ABL2: variants seen among roughly 807,000 people sequenced by gnomAD.
ABL2 encodes the protein ABL proto-oncogene 2, non-receptor tyrosine kinase, also known as tyrosine-protein kinase ABL2.
A neutral mutation model predicts 107.7 loss-of-function variants in ABL2; 49 were observed. The ratio of observed to expected loss-of-function variants is 0.45; its 90% confidence interval spans 0.36 to 0.58. ABL2 has a LOEUF of 0.58. Ranked by LOEUF, ABL2 falls within the 20% of genes least tolerant of loss-of-function variation. The pLI, the probability that ABL2 is intolerant of heterozygous loss-of-function variation, is 0.00. For synonymous variants in ABL2, 549 were observed against 548.6 expected, an observed-to-expected ratio of 1.00 and a Z score of -0.01; for missense variants, 1,245 against 1,457.0, an observed-to-expected ratio of 0.85 and a Z score of 2.37.
intron 1 of ABL2, among the ~76,000 whole-genome samples, chr1:179,211,988 A>G (rs1351544211): frequency 1.3e-5 from 2 of 152,116 alleles, no homozygotes; most frequent in African/African-American, 2.4e-5. Context: ...AATACCAGAG[A>G]CTGCATAATT....
intron 1 of ABL2, among the ~76,000 whole-genome samples, chr1:179,151,323 T>C (rs1173411985): frequency 6.6e-6 from 1 of 152,220 alleles, no homozygotes; most frequent in Non-Finnish European, 1.5e-5. Flanking sequence ...AAGGTATAGT[T>C]TAAGTTCCTA....
chr1:179,179,182 TTA>T (rs1660222953), intron 1 of ABL2, among the ~76,000 whole-genome samples: 1 of 152,176 alleles, frequency 6.6e-6, no homozygotes, highest in Non-Finnish European at 1.5e-5. Flanking sequence ...TGTTGTCCAA[TTA>T]TTTAAAGTGC....
chr1:179,205,661 G>A (rs1374816102), intron 1 of ABL2, among the ~76,000 whole-genome samples: 1 of 152,178 alleles, frequency 6.6e-6, no homozygotes, highest in East Asian at 1.9e-4. Context: ...ATCCATATGG[G>A]ACATGTATTA....
intron 1 of ABL2, among the ~76,000 whole-genome samples, chr1:179,212,582 A>G (rs1480989142): frequency 1.3e-5 from 2 of 151,600 alleles, no homozygotes; most frequent in African/African-American, 2.4e-5. Flanking sequence ...CAAATAACAA[A>G]ATTAGCCAGG....
Position 179,174,913 on chromosome 1 carries a change from AT to A in ABL2, c.158-41540del, listed in dbSNP as rs67902745. Among the ~76,000 whole-genome samples the A allele has an allele frequency of 6.6e-3, 709 of 106,748 alleles. 5 individuals are homozygous for A. The highest frequency in any genetic ancestry group is 9.5e-3 in the South Asian group (32 of 3,386). The allele number at this position is 106,748 out of a possible 152,430, so 70.0% of individuals were successfully genotyped here. On this transcript the variant is annotated intron_variant, in intron 1 of 11. Coordinates refer to ENST00000502732, the MANE Select transcript of ABL2 (RefSeq NM_007314.4). ...TCTGTCTCAAAAAAAAAAAAATAAA[AT>A]AAAAAAAATAATAATAATAATAATA...
intron 7 of ABL2, 71 bp downstream of exon 7, chr1:179,118,516 T>G: frequency 6.7e-7 from 1 of 1,489,686 alleles, no homozygotes; most frequent in Non-Finnish European, 9.2e-7. Flanking sequence ...GGGAAGGTTC[T>G]CACATTCTTC....
chr1:179,184,365 G>C (rs1209384472), intron 1 of ABL2: 8 of 690,362 alleles, frequency 1.2e-5, no homozygotes, highest in Middle Eastern at 4.2e-4. Flanking sequence ...AGCTGGAAAG[G>C]ATGCGATGAA....
In ABL2 at chr1:179,121,144, T is replaced by C. The variant is rs544819770; in HGVS notation, c.960+451A>G. Among the ~76,000 whole-genome samples the C allele has an allele frequency of 2.6e-5, 4 of 152,206 alleles. No individual in the cohort carries two copies. The East Asian group carries it at 5.8e-4, about 22-fold the overall frequency. ...TGGGATGTTTAAAGGAGACATATAG[T>C]AGTACTACGAAAAAGATTTCTGTTA... On this transcript the variant is annotated intron_variant, in intron 5 of 11. Transcript: ENST00000502732.
rs140949687 is a variant in ABL2, at chr1:179,118,410, T to G, written c.1223+177A>C. On this transcript the variant is annotated intron_variant, in intron 7 of 11. Transcript: ENST00000502732. ...AATAGCAAAGGCCCCTTATTAATAC[T>G]TTAATCAGAGTACAGTAGGTTTACA... Among the ~76,000 whole-genome samples the G allele has an allele frequency of 5.0e-3, 765 of 152,340 alleles. 6 individuals carry two copies. The highest frequency in any genetic ancestry group is 0.017 in the African/African-American group (717 of 41,578).
intron 1 of ABL2, among the ~76,000 whole-genome samples, chr1:179,176,176 A>G (rs1179070104): frequency 6.7e-6 from 1 of 149,710 alleles, no homozygotes; most frequent in African/African-American, 2.4e-5. Context: ...TTCTTACCAC[A>G]GTCTCTACAG....
chr1:179,190,329 G>A (rs72709479), intron 1 of ABL2, among the ~76,000 whole-genome samples: 3,359 of 152,112 alleles, frequency 0.022, 66 homozygotes, highest in Middle Eastern at 0.054. Flanking sequence ...CTTTACATAC[G>A]TTTACTTATT....
In ABL2 at chr1:179,106,008, G is replaced by T. The variant is rs1653447547; in HGVS notation, c.*1710C>A. 1 of 220,560 alleles carries T rather than the reference G, an allele frequency of 4.5e-6. No homozygotes were observed. Among genetic ancestry groups the T allele is most frequent in the South Asian group, 1.8e-4 (1 of 5,410 alleles). The allele number at this position is 220,560 out of a possible 1,614,324, so 13.7% of individuals were successfully genotyped here. ...GTTACCTTAATTAAATAGATTAAGAGATGAGGCTGTGGTTTGACAGTGTAT... is the reference window on the plus strand; with the variant it reads ...GTTACCTTAATTAAATAGATTAAGATATGAGGCTGTGGTTTGACAGTGTAT... On this transcript the variant is annotated 3_prime_UTR_variant, in exon 12 of 12. Coordinates refer to ENST00000502732, the MANE Select transcript of ABL2 (RefSeq NM_007314.4).
At chr1:179,142,928 CA>C in intron 1 of ABL2, 4 of 1,613,880 alleles carry the variant, frequency 2.5e-6, no homozygotes, top group Non-Finnish European at 3.4e-6. Context: ...AACTCTGAAC[CA>C]TACCTGTTAA....
chr1:179,130,157 G>A (rs933825251), intron 3 of ABL2, among the ~76,000 whole-genome samples: 2 of 152,152 alleles, frequency 1.3e-5, no homozygotes, highest in Non-Finnish European at 2.9e-5. Flanking sequence ...GCCCAGGCTG[G>A]TCTCAAACTC....
chr1:179,227,731 C>T (rs932849408), intron 1 of ABL2, among the ~76,000 whole-genome samples: 2 of 152,066 alleles, frequency 1.3e-5, no homozygotes, highest in African/African-American at 2.4e-5. Flanking sequence ...TTCATATACC[C>T]GAAAGAGACA....
At chr1:179,131,580 G>T (rs1656335726) in intron 2 of ABL2, 99 bp from the exon 3 acceptor site, 1 of 1,227,614 alleles carries the variant, frequency 8.1e-7, no homozygotes, top group Non-Finnish European at 1.2e-6. Flanking sequence ...GCTGGCTCCA[G>T]AGTAGGAAAG....
chr1:179,190,194 G>A (rs901734108), intron 1 of ABL2, among the ~76,000 whole-genome samples: 2 of 152,082 alleles, frequency 1.3e-5, no homozygotes, highest in African/African-American at 4.8e-5. Context: ...CCAGGGCTCA[G>A]GCCCACATGA....
chr1:179,164,274 G>C (rs1178914621), intron 1 of ABL2, among the ~76,000 whole-genome samples: 1 of 152,110 alleles, frequency 6.6e-6, no homozygotes, highest in African/African-American at 2.4e-5. Context: ...ATAATAAAAA[G>C]TCATGCCATG....
Position 179,118,571 on chromosome 1 carries a change from G to C in ABL2, c.1223+16C>G. ...CAAGATGGCTTCATGGTTGGTCAGA[G>C]GTAAGTTTTACACACCTATGGATGA... On this transcript the variant is annotated intron_variant, in intron 7 of 11. Coordinates refer to ENST00000502732, the MANE Select transcript of ABL2 (RefSeq NM_007314.4). 6.2e-7 allele frequency: 1 copy of C among 1,603,066 alleles called. No individual in the cohort carries two copies. The highest frequency in any genetic ancestry group is 8.5e-7 in the Non-Finnish European group (1 of 1,172,144).
Sources: gnomAD v4.1 joint callset for allele counts (sites outside exome capture counted in the v4.1 genomes callset) on GRCh38, gnomAD v4.1.1 for gene constraint, MANE v1.5 for transcripts, NCBI Gene and HGNC (gene_info 2026-07-23, HGNC 2026-07-21) for gene names.